The following PLXNB3 variants were observed in gnomAD, a reference collection of about 807,000 sequenced individuals.
The protein encoded by PLXNB3 is plexin-B3.
PLXNB3 carries 80 observed loss-of-function variants against 125.7 expected under a neutral mutation model. The observed-to-expected ratio is 0.64, with a 90% CI of 0.53 to 0.77. PLXNB3 has a LOEUF of 0.77. Ranked by LOEUF, PLXNB3 falls within the 30% of genes least tolerant of loss-of-function variation. The pLI, the probability that PLXNB3 is intolerant of heterozygous loss-of-function variation, is 0.00. For synonymous variants in PLXNB3, 954 were observed against 783.3 expected, an observed-to-expected ratio of 1.22 and a Z score of -3.64; for missense variants, 1,836 against 1,729.3, an observed-to-expected ratio of 1.06 and a Z score of -1.09.
At chrX:153,765,617 T>C (rs2091848798) in intron 2 of PLXNB3, 37 bp downstream of exon 2, 1 of 1,174,680 alleles carries the variant, frequency 8.5e-7, no homozygotes, top group African/African-American at 1.8e-5. Flanking sequence ...GAAATGTTCC[T>C]GGGAGGGGCA....
intron 28 of PLXNB3, among the ~76,000 whole-genome samples, 173 bp from the exon 29 acceptor site, chrX:153,776,701 TGGGGCGGGGATGG>T (rs1270520276): frequency 5.3e-5 from 1 of 18,967 alleles, no homozygotes; most frequent in Non-Finnish European, 1.1e-4. Flanking sequence ...AGGGCGGGGC[TGGGGCGGGGATGG>T]GGGGCGGGGC....
Position 153,768,966 on chromosome X carries a change from C to G in PLXNB3, c.1285C>G (p.Gln429Glu). The G allele has an allele frequency of 8.3e-7, 1 of 1,211,486 alleles. No homozygotes were observed. Among genetic ancestry groups the G allele is most frequent in the Non-Finnish European group, 1.1e-6 (1 of 895,147 alleles). Residue 429 changes from glutamine to glutamate, a missense_variant, in exon 5 of 36, where the codon CAG becomes GAG. By Grantham distance (29) the Gln-to-Glu change is conservative. Coordinates refer to ENST00000361971, the MANE Select transcript of PLXNB3 (RefSeq NM_005393.3). The stretch of plus-strand genomic sequence containing the variant: ...CACTCAGGTCTTTCTCCACGGCTCC[C>G]AGGGCCAGGTTTACCACTCCCAGCA... Reference protein sequence around the residue: ...QLYKVFLHGSQGQVYHSQQVG... With the variant: ...QLYKVFLHGSEGQVYHSQQVG...
At chrX:153,771,161 G>A in intron 12 of PLXNB3, 80 bp downstream of exon 12, 1 of 971,734 alleles carries the variant, frequency 1.0e-6, no homozygotes, top group Non-Finnish European at 1.5e-6. Flanking sequence ...TGGAGAGCCT[G>A]CTTGGGGCCC....
At chrX:153,770,269 G>A (rs202167154) in intron 8 of PLXNB3, 21 bp downstream of exon 8, 2 of 1,207,833 alleles carry the variant, frequency 1.7e-6, no homozygotes, top group African/African-American at 1.7e-5. Context: ...CATGGGGTAG[G>A]GGGCTGGGAT....
At chrX:153,767,964 T>C in intron 3 of PLXNB3, 51 bp downstream of exon 3, 1 of 1,062,040 alleles carries the variant, frequency 9.4e-7, no homozygotes, top group South Asian at 2.4e-5. Context: ...CTGGCATCTT[T>C]CAGCACTGGA....
At position 153,779,275 on chromosome X, in the gene PLXNB3, A is replaced by C; in HGVS notation, c.*236A>C. The C allele has an allele frequency of 4.1e-6, 1 of 241,497 alleles. No homozygotes were observed. Among genetic ancestry groups the C allele is most frequent in the East Asian group, 5.8e-5 (1 of 17,277 alleles). 19.9% of individuals were successfully genotyped at this position (241,497 alleles called of 1,213,427 possible). A position where few individuals can be genotyped will look rare whatever the true frequency, so the allele number is the denominator to read the frequency against. ...GATCCCCCTCCTTCCCCCTCTCCCC[A>C]TTGTATTTATTTGCCTGCTGGAAAA... On this transcript the variant is annotated 3_prime_UTR_variant, in exon 36 of 36. Coordinates refer to ENST00000361971, the MANE Select transcript of PLXNB3 (RefSeq NM_005393.3).
chrX:153,775,881 G>T lies in PLXNB3; in HGVS notation c.4402-6G>T. 1 of 1,202,670 alleles carries T rather than the reference G, an allele frequency of 8.3e-7. No homozygotes were observed. On this transcript the variant is annotated splice_polypyrimidine_tract_variant and splice_region_variant and intron_variant, in intron 26 of 35. Coordinates refer to ENST00000361971, the MANE Select transcript of PLXNB3 (RefSeq NM_005393.3). ...TGGCTGATGCCGGCTCATCTTGGCA[G>T]TGCAGGAGGTGGCTGGTGAACCACT...
chrX:153,769,700 TTGCACCCCAC>T (rs1772635022), intron 6 of PLXNB3, 97 bp from the exon 7 acceptor site: 1 of 851,221 alleles, frequency 1.2e-6, no homozygotes, highest in Non-Finnish European at 1.6e-6. Context: ...CTCCTGCTCA[TTGCACCCCAC>T]TGCACTCCAG....
chrX:153,774,451 G>A lies in PLXNB3; in HGVS notation c.3710G>A (p.Gly1237Asp). 8.3e-7 allele frequency: 1 copy of A among 1,202,515 alleles called. No individual in the cohort carries two copies. The highest frequency in any genetic ancestry group is 1.1e-6 in the Non-Finnish European group (1 of 891,279). The change falls in exon 22 of 36, where the codon GGC becomes GAC. Residue 1237 changes from glycine to aspartate, a missense_variant. Coordinates refer to ENST00000361971, the MANE Select transcript of PLXNB3 (RefSeq NM_005393.3). ...VQMGNVQLAL[G>D]PVQYEAEPPL... ...ATGGGCAATGTGCAGCTGGCCCTGG[G>A]CCCTGTGCAGTACGAGGCTGAACCC...
At chrX:153,768,894 G>A in intron 4 of PLXNB3, 54 bp from the exon 5 acceptor site, 3 of 1,181,670 alleles carry the variant, frequency 2.5e-6, no homozygotes, top group Non-Finnish European at 1.1e-6. Context: ...CGTGTCCCTG[G>A]AACAGGCAAC....
Position 153,770,952 on chromosome X carries a change from C to A in PLXNB3, c.2137-13C>A. On this transcript the variant is annotated splice_polypyrimidine_tract_variant and intron_variant, in intron 11 of 35. Transcript: ENST00000361971. Reference sequence around the variant, plus strand: ...AACAGCGTGTCCACACTCCTGACAGCGTCCTTCCCCAGGGCCTGCCTGCCT... The same window carrying A: ...AACAGCGTGTCCACACTCCTGACAGAGTCCTTCCCCAGGGCCTGCCTGCCT... 8.3e-7 allele frequency: 1 copy of A among 1,208,573 alleles called. No individual in the cohort carries two copies.
intron 7 of PLXNB3, 66 bp from the exon 8 acceptor site, chrX:153,770,026 C>T: frequency 1.7e-6 from 2 of 1,188,181 alleles, no homozygotes; most frequent in Non-Finnish European, 2.3e-6. Flanking sequence ...CCTCCTTCCT[C>T]TCCCATGGCC....
Position 153,777,575 on chromosome X carries a change from C to T in PLXNB3, c.5148C>T (p.Ser1716=), listed in dbSNP as rs2092011177. Residue 1716 remains serine, a synonymous_variant, in exon 31 of 36, where the codon AGC becomes AGT. Coordinates refer to ENST00000361971, the MANE Select transcript of PLXNB3 (RefSeq NM_005393.3). ...ACGACACCTTCCAGGCCATTCTCAG[C>T]GTGAACCGGCCCATCCCCATCGCCG... ...FVDDTFQAIL[S]VNRPIPIAVK... 4.1e-6 allele frequency: 5 copies of T among 1,211,732 alleles called. No homozygotes were observed. Among genetic ancestry groups the T allele is most frequent in the East Asian group, 3.0e-5 (1 of 33,871 alleles).
Position 153,767,911 on chromosome X carries a change from C to T in PLXNB3, c.1084C>T (p.Leu362Phe). ...GVTSRCVTLP[L>F]DSPESYPCGD... ...CACGTCGCGCTGCGTCACCCTGCCCCTTGTGAGTGGCATGCCCTTCCATCC... is the reference window on the plus strand; with the variant it reads ...CACGTCGCGCTGCGTCACCCTGCCCTTTGTGAGTGGCATGCCCTTCCATCC... Residue 362 changes from leucine (L) to phenylalanine (F), a missense_variant and splice_region_variant, in exon 3 of 36, where the codon CTT (leucine) becomes TTT (phenylalanine). Transcript: ENST00000361971. The T allele has an allele frequency of 9.2e-7, 1 of 1,090,171 alleles. No homozygotes were observed. Among genetic ancestry groups the T allele is most frequent in the Non-Finnish European group, 1.2e-6 (1 of 839,434 alleles). The allele number at this position is 1,090,171 out of a possible 1,213,427, so 89.8% of individuals were successfully genotyped here.
At chrX:153,772,699 G>A in intron 16 of PLXNB3, 187 bp from the exon 17 acceptor site, 2 of 1,028,569 alleles carry the variant, frequency 1.9e-6, no homozygotes, top group Non-Finnish European at 2.5e-6. Context: ...CATGCGGCAG[G>A]GGTGGGTGGG....
rs782360679 is a variant in PLXNB3 at position 153,774,474 on chromosome X, C to A, written c.3733C>A (p.Pro1245Thr). 4 of 1,205,338 alleles carry A rather than the reference C, an allele frequency of 3.3e-6. No homozygotes were observed. The South Asian group carries it at 7.2e-5, about 22-fold the overall frequency. ...ALGPVQYEAE[P>T]PLSAFPVEAQ... ...GGGCCCTGTGCAGTACGAGGCTGAA[C>A]CCCCGCTGTCTGCCTTTCCCGTGGA... Residue 1245 changes from proline (P) to threonine (T), a missense_variant, in exon 22 of 36, where the codon CCC becomes ACC. By Grantham distance (38) the Pro-to-Thr change is conservative. Coordinates refer to ENST00000361971, the MANE Select transcript of PLXNB3 (RefSeq NM_005393.3).
In PLXNB3 at chrX:153,771,590, C is replaced by T. The variant is rs782345456; in HGVS notation, c.2452C>T (p.Arg818Cys). 5.8e-6 allele frequency: 7 copies of T among 1,206,656 alleles called. No homozygotes were observed. Among genetic ancestry groups the T allele is most frequent in the East Asian group, 3.0e-5 (1 of 33,763 alleles). ...GTGTGCTGACGGCCAGCCTGCCTGT[C>T]GCTATGGGCCCTTGTGCCCGCCGGG... ...LWCADGQPAC[R>C]YGPLCPPGAV... Residue 818 changes from arginine to cysteine, a missense_variant, in exon 14 of 36, where the codon CGC becomes TGC. Transcript: ENST00000361971.
rs113180001 is a variant in PLXNB3 at position 153,768,941 on chromosome X, C to G, written c.1267-7C>G. On this transcript the variant is annotated splice_region_variant and splice_polypyrimidine_tract_variant and intron_variant, in intron 4 of 35. Transcript: ENST00000361971. ...TGGCCCAGCCTCGTCCTTGTCCCCCCACTCAGGTCTTTCTCCACGGCTCCC... is the reference window on the plus strand; with the variant it reads ...TGGCCCAGCCTCGTCCTTGTCCCCCGACTCAGGTCTTTCTCCACGGCTCCC... The G allele has an allele frequency of 2.5e-6, 3 of 1,208,290 alleles. No individual in the cohort carries two copies. Among genetic ancestry groups the G allele is most frequent in the Non-Finnish European group, 2.2e-6 (2 of 893,996 alleles).
In PLXNB3 at chrX:153,769,212, C is replaced by G. The variant is rs1557060624; in HGVS notation, c.1446C>G (p.Ser482Arg). The change falls in exon 6 of 36, where the codon AGC (serine) becomes AGG (arginine). Residue 482 changes from serine to arginine, a missense_variant. Physicochemically the swap from Ser to Arg is moderately radical, Grantham distance 110 (BLOSUM62 -1). Coordinates refer to ENST00000361971, the MANE Select transcript of PLXNB3 (RefSeq NM_005393.3). ...GCCCCCAGTTCCCTGACTGTGCCAGCTGCCTCCAGGCCCAGGACCCGCTGT... is the reference window on the plus strand; with the variant it reads ...GCCCCCAGTTCCCTGACTGTGCCAGGTGCCTCCAGGCCCAGGACCCGCTGT... ...AACPQFPDCA[S>R]CLQAQDPLCG... 1 of 1,180,086 alleles carries G rather than the reference C, an allele frequency of 8.5e-7. No homozygotes were observed. Among genetic ancestry groups the G allele is most frequent in the South Asian group, 1.9e-5 (1 of 53,690 alleles).
Sources: gnomAD v4.1 joint callset for allele counts (sites outside exome capture counted in the v4.1 genomes callset) on GRCh38, gnomAD v4.1.1 for gene constraint, MANE v1.5 for transcripts, NCBI Gene and HGNC (gene_info 2026-07-23, HGNC 2026-07-21) for gene names.